The following CA11 variants were observed in gnomAD, a reference collection of about 807,000 sequenced individuals.
The protein encoded by CA11 is carbonic anhydrase-related protein 11.
CA11 carries 20 observed loss-of-function variants against 39.3 expected under a neutral mutation model. That is an observed-to-expected ratio of 0.51 (90% CI 0.36 to 0.74). CA11 has a LOEUF of 0.74. Among genes scored for constraint, CA11 ranks in the 30% least tolerant of loss-of-function variants. The pLI is 0.00. For missense variants in CA11, 336 were observed against 424.6 expected, an observed-to-expected ratio of 0.79 and a Z score of 1.83; for synonymous variants, 166 against 172.5, an observed-to-expected ratio of 0.96 and a Z score of 0.29.
rs2031167468 is a variant in CA11 at position 48,643,974 on chromosome 19, G to A, written c.285+453C>T. Among the ~76,000 whole-genome samples the A allele has an allele frequency of 6.6e-6, 1 of 152,028 alleles. No homozygotes were observed. Among genetic ancestry groups the A allele is most frequent in the African/African-American group, 2.4e-5 (1 of 41,400 alleles). ...GCTGGGCGTGATGGTGCGCATGCCT[G>A]TAATCCCAACTACTCGGGAGGCTGG... On this transcript the variant is annotated intron_variant, in intron 3 of 8. Coordinates refer to ENST00000084798, the MANE Select transcript of CA11 (RefSeq NM_001217.5). The surrounding 1 kb of genome is among the most constrained non-coding windows in gnomAD (Gnocchi z 4.3).
At chr19:48,640,679 T>A (rs1296850791) in intron 3 of CA11, among the ~76,000 whole-genome samples, 2 of 144,794 alleles carry the variant, frequency 1.4e-5, no homozygotes, top group African/African-American at 2.5e-5. Flanking sequence ...CGGTCTTTTT[T>A]TTTTTTCTGG....
At chr19:48,645,517 C>A in intron 1 of CA11, 40 bp from the exon 2 acceptor site, 3 of 1,597,196 alleles carry the variant, frequency 1.9e-6, no homozygotes, top group South Asian at 2.3e-5. Flanking sequence ...CTTGGCATCC[C>A]CACCTCCACC....
In CA11 at chr19:48,644,520, C is replaced by T. The variant is rs768198305; in HGVS notation, c.192G>A (p.Val64=). 1 of 1,611,420 alleles carries T rather than the reference C, an allele frequency of 6.2e-7. No individual in the cohort carries two copies. The highest frequency in any genetic ancestry group is 8.5e-7 in the Non-Finnish European group (1 of 1,178,368). ...LVNAAWSLCA[V]GKRQSPVDVE... is the part of the protein sequence containing the mutation. Reference sequence around the variant, plus strand: ...CATCCACGGGGCTCTGCCGCTTCCCCACAGCACACAGACTCCACGCTGCAT... The same window carrying T: ...CATCCACGGGGCTCTGCCGCTTCCCTACAGCACACAGACTCCACGCTGCAT... Residue 64 remains valine (V), a synonymous_variant, in exon 3 of 9, where the codon GTG becomes GTA. Transcript: ENST00000084798.
chr19:48,638,382 G>GT, intron 8 of CA11: 1 of 355,106 alleles, frequency 2.8e-6, no homozygotes, highest in Non-Finnish European at 3.9e-6. Flanking sequence ...CATGGGGGGG[G>GT]GGGGGTGTGG....
chr19:48,638,865 A>T, intron 8 of CA11, 23 bp downstream of exon 8: 1 of 1,543,488 alleles, frequency 6.5e-7, no homozygotes, highest in East Asian at 2.3e-5. Context: ...CAAGACTTAG[A>T]GGGGGTGCAG....
At position 48,644,467 on chromosome 19, in the gene CA11, G is replaced by A; in HGVS notation, c.245C>T (p.Pro82Leu). The change falls in exon 3 of 9, where the codon CCC becomes CTC. Residue 82 changes from proline to leucine, a missense_variant. Coordinates refer to ENST00000084798, the MANE Select transcript of CA11 (RefSeq NM_001217.5). ...GCTGAGCCTTAATGGGGGCAGAAAG[G>A]GGTCATAAAGAACCCTCTTCAGCTC... is the stretch of plus-strand genomic sequence containing the variant. Reference protein sequence around the residue: ...DVELKRVLYDPFLPPLRLSTG... With the variant: ...DVELKRVLYDLFLPPLRLSTG... 1.2e-6 allele frequency: 2 copies of A among 1,610,878 alleles called. No individual in the cohort carries two copies. Among genetic ancestry groups the A allele is most frequent in the Non-Finnish European group, 1.7e-6 (2 of 1,177,866 alleles).
At chr19:48,640,984 GT>G (rs1311663303) in intron 3 of CA11, among the ~76,000 whole-genome samples, 40 of 145,678 alleles carry the variant, frequency 2.7e-4, no homozygotes, top group African/African-American at 6.5e-4. Flanking sequence ...TTTTGTTTTT[GT>G]TTTTTTTTTT....
chr19:48,644,847 G>A (rs897730315), intron 2 of CA11, among the ~76,000 whole-genome samples: 10 of 152,034 alleles, frequency 6.6e-5, no homozygotes, highest in Non-Finnish European at 2.9e-5. Flanking sequence ...CACCCACCTC[G>A]GCCTCCTAAA....
chr19:48,645,703 T>G lies in CA11; in HGVS notation c.-71A>C. On this transcript the variant is annotated 5_prime_UTR_variant, in exon 1 of 9. Transcript: ENST00000084798. ...TCTCTCAGCTCCTCTGTCCCCTCCT[T>G]CTGGGACCCTGTCCCTCCAGGACTT... The G allele has an allele frequency of 8.0e-7, 1 of 1,254,356 alleles. No individual in the cohort carries two copies. The highest frequency in any genetic ancestry group is 1.6e-5 in the South Asian group (1 of 64,084). The allele number at this position is 1,254,356 out of a possible 1,614,324, so 77.7% of individuals were successfully genotyped here. A position where few individuals can be genotyped will look rare whatever the true frequency, so the allele number is the denominator to read the frequency against.
intron 7 of CA11, 87 bp downstream of exon 7, chr19:48,639,218 G>A: frequency 6.4e-7 from 1 of 1,558,082 alleles, no homozygotes; most frequent in Non-Finnish European, 8.8e-7. Context: ...AGTCTATGAG[G>A]AGAGGGAGGG....
chr19:48,638,868 G>A lies in CA11; in HGVS notation c.961+20C>T. ...AGAGGGTTAGCCCAAGACTTAGAGG[G>A]GGTGCAGACTGGACCATACCATGCA... is the stretch of plus-strand genomic sequence containing the variant. On this transcript the variant is annotated intron_variant, in intron 8 of 8. Coordinates refer to ENST00000084798, the MANE Select transcript of CA11 (RefSeq NM_001217.5). 3.9e-6 allele frequency: 6 copies of A among 1,547,334 alleles called. No homozygotes were observed. The highest frequency in any genetic ancestry group is 2.1e-5 in the Admixed American group (1 of 47,876).
chr19:48,639,097 G>T (rs376185779), intron 7 of CA11, 44 bp from the exon 8 acceptor site: 13 of 1,609,490 alleles, frequency 8.1e-6, no homozygotes, highest in African/African-American at 8.0e-5. Flanking sequence ...AATAGTGAAT[G>T]GTCTTGGTGA....
intron 8 of CA11, 174 bp from the exon 9 acceptor site, chr19:48,638,318 G>A (rs1601185344): frequency 9.3e-7 from 1 of 1,077,190 alleles, no homozygotes; most frequent in Non-Finnish European, 1.1e-6. Flanking sequence ...GCCAATAGGA[G>A]GGGGGAATCG....
chr19:48,645,370 G>C, intron 2 of CA11, 33 bp downstream of exon 2: 1 of 1,550,068 alleles, frequency 6.5e-7, no homozygotes, highest in Non-Finnish European at 8.7e-7. Flanking sequence ...GCGCCGGGAG[G>C]GCCGGACTCC....
intron 3 of CA11, among the ~76,000 whole-genome samples, chr19:48,641,558 GA>G (rs1209597006): frequency 6.6e-6 from 1 of 152,204 alleles, no homozygotes; most frequent in Non-Finnish European, 1.5e-5. Context: ...ATGTTTGGGG[GA>G]ACTGGGAGCT....
In CA11 at chr19:48,638,090, C is replaced by A; in HGVS notation, c.*29G>T. 1 of 1,412,930 alleles carries A rather than the reference C, an allele frequency of 7.1e-7. No homozygotes were observed. The highest frequency in any genetic ancestry group is 1.5e-5 in the South Asian group (1 of 68,608). The allele number at this position is 1,412,930 out of a possible 1,614,324, so 87.5% of individuals were successfully genotyped here. A position where few individuals can be genotyped will look rare whatever the true frequency, so the allele number is the denominator to read the frequency against. On this transcript the variant is annotated 3_prime_UTR_variant, in exon 9 of 9. Transcript: ENST00000084798. Reference sequence around the variant, plus strand: ...CCTCGCCTTGTGGGGAGGCTTAGGACGGGCGGGTGCAATCCTCGAAGGGGA... The same window carrying A: ...CCTCGCCTTGTGGGGAGGCTTAGGAAGGGCGGGTGCAATCCTCGAAGGGGA...
chr19:48,646,169 T>G lies in CA11; in HGVS notation c.-537A>C, dbSNP rs187703137. The G allele has an allele frequency of 1.5e-5, 3 of 201,476 alleles. No homozygotes were observed. Among genetic ancestry groups the G allele is most frequent in the African/African-American group, 6.9e-5 (3 of 43,292 alleles). The allele number at this position is 201,476 out of a possible 1,614,324, so 12.5% of individuals were successfully genotyped here. ...TCCTCTCCTGCCTCTTCTCCCTGTT[T>G]CAGTCTCTCTTCTCTCTTGTCCCTT... is the stretch of plus-strand genomic sequence containing the variant. On this transcript the variant is annotated 5_prime_UTR_variant, in exon 1 of 9. Coordinates refer to ENST00000084798, the MANE Select transcript of CA11 (RefSeq NM_001217.5).
In CA11 at chr19:48,645,787, G is replaced by C. The variant is rs747824212; in HGVS notation, c.-155C>G. 1 of 572,798 alleles carries C rather than the reference G, an allele frequency of 1.7e-6. No individual in the cohort carries two copies. Among genetic ancestry groups the C allele is most frequent in the Non-Finnish European group, 3.0e-6 (1 of 334,480 alleles). 35.5% of individuals were successfully genotyped at this position (572,798 alleles called of 1,614,324 possible). ...GTTCCCCAAATGCCAAAGCAGCCAGGGACTGAGATCCGCCCTTCAAACCCA... is the reference window on the plus strand; with the variant it reads ...GTTCCCCAAATGCCAAAGCAGCCAGCGACTGAGATCCGCCCTTCAAACCCA... On this transcript the variant is annotated 5_prime_UTR_variant, in exon 1 of 9. Transcript: ENST00000084798.
chr19:48,643,854 G>A lies in CA11; in HGVS notation c.285+573C>T, dbSNP rs2031163414. 6.6e-6 allele frequency among the ~76,000 whole-genome samples: 1 copy of A among 152,016 alleles called. No individual in the cohort carries two copies. Among genetic ancestry groups the A allele is most frequent in the Non-Finnish European group, 1.5e-5 (1 of 68,004 alleles). On this transcript the variant is annotated intron_variant, in intron 3 of 8. Transcript: ENST00000084798. The surrounding 1 kb of genome is among the most constrained non-coding windows in gnomAD (Gnocchi z 4.3). ...CATGCCTGTAATCCTAGCACTTTGG[G>A]AGGCCGAGGCAGGTGGATCACCTGA...
Sources: gnomAD v4.1 joint callset for allele counts (sites outside exome capture counted in the v4.1 genomes callset) on GRCh38, gnomAD v4.1.1 for gene constraint, Gnocchi (gnomAD v3.1) non-coding constraint, MANE v1.5 for transcripts, NCBI Gene and HGNC (gene_info 2026-07-23, HGNC 2026-07-21) for gene names.